RBMS3: variants seen among roughly 807,000 people sequenced by gnomAD.
RBMS3 encodes the protein RNA-binding motif, single-stranded-interacting protein 3.
In RBMS3, 27 loss-of-function variants were observed where a neutral mutation model predicts 66.8. The observed-to-expected ratio is 0.40, with a 90% CI of 0.30 to 0.56. The LOEUF is 0.56. Ranked by LOEUF, RBMS3 falls within the 20% of genes least tolerant of loss-of-function variation. The pLI is 0.40. For missense variants in RBMS3, 513 were observed against 549.5 expected (o/e 0.93, Z 0.66); for synonymous variants, 188 against 183.0 (o/e 1.03, Z -0.22).
rs2048317799 is a variant in RBMS3 at position 29,606,242 on chromosome 3, G to T, written c.399+19037G>T. Among the ~76,000 whole-genome samples the T allele has an allele frequency of 2.0e-5, 3 of 151,792 alleles. No homozygotes were observed. In the South Asian group the frequency reaches 6.2e-4, roughly 31 times the overall value. On this transcript the variant is annotated intron_variant, in intron 4 of 14. Coordinates refer to ENST00000383767, the MANE Select transcript of RBMS3 (RefSeq NM_001003793.3). The stretch of plus-strand genomic sequence containing the variant: ...GGTGTAATAACAATCCCTTCGCATT[G>T]TCATATGATTGATGTTTAAAGACCC...
intron 11 of RBMS3, among the ~76,000 whole-genome samples, chr3:29,940,401 A>G (rs183364963): frequency 4.6e-5 from 7 of 152,006 alleles, no homozygotes; most frequent in South Asian, 4.1e-4. Flanking sequence ...ATAGGATTCT[A>G]AACTCTAGAA....
chr3:29,779,758 A>T (rs917108485), intron 6 of RBMS3, among the ~76,000 whole-genome samples: 59 of 137,622 alleles, frequency 4.3e-4, no homozygotes, highest in African/African-American at 1.3e-3. Context: ...ATAGTAGAAG[A>T]TACAATAGGT....
intron 3 of RBMS3, among the ~76,000 whole-genome samples, chr3:29,535,708 CTCTTT>C (rs2045527164): frequency 7.2e-5 from 2 of 27,768 alleles, no homozygotes; most frequent in African/African-American, 3.4e-4. Flanking sequence ...GAGATCATTG[CTCTTT>C]TTTTTTTTTT....
rs140923602 is a variant in RBMS3 at position 29,387,630 on chromosome 3, C to T, written c.76-47113C>T. Among the ~76,000 whole-genome samples the T allele has an allele frequency of 5.7e-4, 86 of 152,168 alleles. No homozygotes were observed. The East Asian group carries it at 0.014, about 24-fold the overall frequency. ...TTTAAAATGTATAGATGGCCGGGCGCGGTGGCTCACACCTGTAATCCCAGC... is the reference window on the plus strand; with the variant it reads ...TTTAAAATGTATAGATGGCCGGGCGTGGTGGCTCACACCTGTAATCCCAGC... On this transcript the variant is annotated intron_variant, in intron 1 of 14. Transcript: ENST00000383767.
At chr3:29,334,052 C>T (rs139445142) in intron 1 of RBMS3, among the ~76,000 whole-genome samples, 15 of 151,994 alleles carry the variant, frequency 9.9e-5, no homozygotes, top group South Asian at 2.1e-4. Context: ...ATCTGTACAG[C>T]GGGACTATAC....
At chr3:29,287,879 CTG>C (rs1371187119) in intron 1 of RBMS3, among the ~76,000 whole-genome samples, 1 of 151,782 alleles carries the variant, frequency 6.6e-6, no homozygotes, top group Non-Finnish European at 1.5e-5. Flanking sequence ...GAGTGGCAGA[CTG>C]AGATGAGTTA....
chr3:29,837,046 A>G (rs1476698074), intron 6 of RBMS3, among the ~76,000 whole-genome samples: 3 of 152,168 alleles, frequency 2.0e-5, no homozygotes, highest in African/African-American at 7.2e-5. Flanking sequence ...AGTCTTTGCC[A>G]TAATGCCTAA....
At chr3:29,716,225 G>T (rs138637554) in intron 4 of RBMS3, among the ~76,000 whole-genome samples, 1 of 152,208 alleles carries the variant, frequency 6.6e-6, no homozygotes, top group East Asian at 1.9e-4. Flanking sequence ...TGCTAGAAAT[G>T]CATCCTTTAG....
chr3:29,455,756 C>T (rs2042167401), intron 2 of RBMS3, among the ~76,000 whole-genome samples: 1 of 151,836 alleles, frequency 6.6e-6, no homozygotes, highest in African/African-American at 2.4e-5. Flanking sequence ...GAGCACTTTA[C>T]CACTACACGT....
At chr3:29,428,573 TAAA>T (rs36117390) in intron 1 of RBMS3, among the ~76,000 whole-genome samples, 16 of 144,418 alleles carry the variant, frequency 1.1e-4, no homozygotes, top group East Asian at 4.0e-4. Context: ...TGCTTTCTGT[TAAA>T]AAAAAAAAAA....
chr3:29,774,072 A>G (rs1160266907), intron 6 of RBMS3, among the ~76,000 whole-genome samples: 4 of 151,996 alleles, frequency 2.6e-5, no homozygotes, highest in African/African-American at 4.8e-5. Flanking sequence ...CAGACACTAA[A>G]TTTGTTATTC....
At chr3:29,701,780 T>C (rs1439437503) in intron 4 of RBMS3, among the ~76,000 whole-genome samples, 1 of 152,056 alleles carries the variant, frequency 6.6e-6, no homozygotes, top group Non-Finnish European at 1.5e-5. Flanking sequence ...TGCGCTGGAA[T>C]TCTCACCGGG....
At chr3:29,369,025 A>T (rs2038051811) in intron 1 of RBMS3, among the ~76,000 whole-genome samples, 1 of 152,158 alleles carries the variant, frequency 6.6e-6, no homozygotes, top group South Asian at 2.1e-4. Context: ...ACATGGATAG[A>T]GCTGAAGCCA....
At chr3:29,810,750 T>C (rs761997378) in intron 6 of RBMS3, among the ~76,000 whole-genome samples, 1 of 152,182 alleles carries the variant, frequency 6.6e-6, no homozygotes, top group Non-Finnish European at 1.5e-5. Flanking sequence ...AAAGTAATTA[T>C]ATTTCTCTTA....
intron 3 of RBMS3, among the ~76,000 whole-genome samples, chr3:29,560,193 G>A (rs1002541321): frequency 3.9e-5 from 6 of 152,156 alleles, no homozygotes; most frequent in Admixed American, 3.3e-4. Context: ...CATTTTGAAA[G>A]TTGATGACAC....
chr3:29,987,347 T>C (rs1698457953), intron 12 of RBMS3, among the ~76,000 whole-genome samples: 1 of 152,212 alleles, frequency 6.6e-6, no homozygotes, highest in Admixed American at 6.5e-5. Flanking sequence ...GGTCATACTT[T>C]ATGCTTATGT....
rs533456082 is a variant in RBMS3, at chr3:29,991,060, A to G, written c.1180-22A>G. 1.1e-5 allele frequency: 17 copies of G among 1,611,908 alleles called. No individual in the cohort carries two copies. In the African/African-American group the frequency reaches 2.3e-4, roughly 22 times the overall value. ...CTTCACTGAAGCAAGTAAGGCTTTT[A>G]TGTTCTTATTTGCCTCCTTAGGGTG... is the stretch of plus-strand genomic sequence containing the variant. On this transcript the variant is annotated intron_variant, in intron 13 of 14. Transcript: ENST00000383767.
intron 3 of RBMS3, among the ~76,000 whole-genome samples, chr3:29,570,125 A>C (rs2046896377): frequency 6.6e-6 from 1 of 152,136 alleles, no homozygotes; most frequent in Non-Finnish European, 1.5e-5. Context: ...AATTACTATA[A>C]TAAAATTACA....
rs76622854 is a variant in RBMS3 at position 29,795,457 on chromosome 3, A to G, written c.637+32468A>G. Among the ~76,000 whole-genome samples the G allele has an allele frequency of 9.2e-5, 14 of 152,354 alleles. No homozygotes were observed. In the East Asian group the frequency reaches 2.5e-3, roughly 27 times the overall value. ...TTTTCTTTTCATGATATAACTGGAT[A>G]ACTAATTGATTTGTTTACTAATTAA... On this transcript the variant is annotated intron_variant, in intron 6 of 14. Coordinates refer to ENST00000383767, the MANE Select transcript of RBMS3 (RefSeq NM_001003793.3).
Sources: allele counts gnomAD v4.1 joint callset (sites outside exome capture counted in the v4.1 genomes callset), GRCh38; gene constraint gnomAD v4.1.1; transcripts MANE v1.5; gene names NCBI Gene and HGNC (gene_info 2026-07-23, HGNC 2026-07-21).